ADGRL2: variants seen among roughly 807,000 people sequenced by gnomAD.
The protein encoded by ADGRL2 is adhesion G protein-coupled receptor L2.
ADGRL2 carries 44 observed loss-of-function variants against 157.4 expected under a neutral mutation model. The ratio of observed to expected loss-of-function variants is 0.28; its 90% CI spans 0.22 to 0.36. The LOEUF is 0.36. Ranked by LOEUF, ADGRL2 falls within the 10% of genes least tolerant of loss-of-function variation. The pLI is 1.00. For synonymous variants in ADGRL2, 585 were observed against 624.7 expected (o/e 0.94, Z 0.95); for missense variants, 1,510 against 1,768.9 (o/e 0.85, Z 2.63).
chr1:81,914,090 T>C (rs1329045322), intron 3 of ADGRL2, among the ~76,000 whole-genome samples: 1 of 151,958 alleles, frequency 6.6e-6, no homozygotes, highest in East Asian at 1.9e-4. Flanking sequence ...TACAATGCAC[T>C]CACAGTTCTG....
chr1:81,596,324 C>A, intron 3 of ADGRL2: 1 of 547,164 alleles, frequency 1.8e-6, no homozygotes, highest in South Asian at 1.4e-5. Flanking sequence ...TAGTGATTCT[C>A]AAACTCTTGG....
At chr1:81,552,238 T>C (rs963285868) in intron 2 of ADGRL2, among the ~76,000 whole-genome samples, 1 of 152,068 alleles carries the variant, frequency 6.6e-6, no homozygotes, top group Non-Finnish European at 1.5e-5. Flanking sequence ...CCAAGTTACT[T>C]TTTTATTAGG....
intron 3 of ADGRL2, among the ~76,000 whole-genome samples, chr1:81,682,896 C>A (rs528385691): frequency 6.6e-6 from 1 of 152,264 alleles, no homozygotes; most frequent in African/African-American, 2.4e-5. Flanking sequence ...CTTTGGGAGG[C>A]CGAGGCGGGT....
intron 3 of ADGRL2, among the ~76,000 whole-genome samples, chr1:81,932,114 A>G (rs1017840676): frequency 6.6e-6 from 1 of 152,196 alleles, no homozygotes; most frequent in Non-Finnish European, 1.5e-5. Context: ...AGTGATTACA[A>G]TGGGTCATAT....
chr1:81,348,443 A>G (rs1662638766), intron 1 of ADGRL2, among the ~76,000 whole-genome samples: 1 of 152,098 alleles, frequency 6.6e-6, no homozygotes, highest in Non-Finnish European at 1.5e-5. Flanking sequence ...AAAAAGGTAC[A>G]ATTTGTATTT....
intron 3 of ADGRL2, among the ~76,000 whole-genome samples, chr1:81,593,799 T>C (rs2081178854): frequency 6.6e-6 from 1 of 152,156 alleles, no homozygotes; most frequent in South Asian, 2.1e-4. Context: ...GCAAAAACCA[T>C]TAAAAAAGAG....
At chr1:81,387,053 T>G (rs2101088654) in intron 1 of ADGRL2, among the ~76,000 whole-genome samples, 1 of 152,296 alleles carries the variant, frequency 6.6e-6, no homozygotes, top group Non-Finnish European at 1.5e-5. Flanking sequence ...GTTCTGACTT[T>G]TATGAGAGTT....
At chr1:81,738,739 G>T (rs2084981092) in intron 1 of ADGRL2, among the ~76,000 whole-genome samples, 1 of 152,188 alleles carries the variant, frequency 6.6e-6, no homozygotes. Flanking sequence ...TCCAGATGCA[G>T]TCTGGCATTC....
intron 3 of ADGRL2, among the ~76,000 whole-genome samples, chr1:81,649,576 A>C (rs2082373570): frequency 6.6e-6 from 1 of 151,972 alleles, no homozygotes; most frequent in Non-Finnish European, 1.5e-5. Flanking sequence ...CTTTTACTCC[A>C]CCTCAACTGG....
At chr1:81,624,050 G>C (rs891513735) in intron 3 of ADGRL2, among the ~76,000 whole-genome samples, 2 of 152,120 alleles carry the variant, frequency 1.3e-5, no homozygotes, top group African/African-American at 4.8e-5. Flanking sequence ...GCAGCAGTAA[G>C]CCCAGGAGTA....
chr1:81,442,841 T>A (rs1420128294), intron 1 of ADGRL2, among the ~76,000 whole-genome samples: 2 of 152,222 alleles, frequency 1.3e-5, no homozygotes, highest in Non-Finnish European at 2.9e-5. Flanking sequence ...TTTCACAGCC[T>A]CACTCACAAA....
chr1:81,731,942 G>C (rs1409412635), intron 1 of ADGRL2, among the ~76,000 whole-genome samples: 1 of 152,172 alleles, frequency 6.6e-6, no homozygotes, highest in Non-Finnish European at 1.5e-5. Flanking sequence ...CAAGGCACTT[G>C]ACCCATTATG....
chr1:81,548,230 T>C (rs1185554066), intron 2 of ADGRL2, among the ~76,000 whole-genome samples: 2 of 152,254 alleles, frequency 1.3e-5, no homozygotes, highest in East Asian at 1.9e-4. Context: ...TCTTCCTTTC[T>C]TTTTTTACTC....
At chr1:81,342,455 A>C (rs1156849445) in intron 1 of ADGRL2, among the ~76,000 whole-genome samples, 1 of 152,136 alleles carries the variant, frequency 6.6e-6, no homozygotes, top group African/African-American at 2.4e-5. Context: ...TGTGCCACTA[A>C]ATGATATCAA....
chr1:81,831,100 T>C (rs1008148328), intron 1 of ADGRL2, among the ~76,000 whole-genome samples: 1 of 152,196 alleles, frequency 6.6e-6, no homozygotes, highest in Non-Finnish European at 1.5e-5. Context: ...ACCCGAATGA[T>C]GATTAGTCCA....
chr1:81,599,251 A>G (rs2081292402), intron 3 of ADGRL2, among the ~76,000 whole-genome samples: 1 of 152,180 alleles, frequency 6.6e-6, no homozygotes, highest in African/African-American at 2.4e-5. Context: ...ACACAGGAAA[A>G]TCATTTTTCT....
intron 1 of ADGRL2, among the ~76,000 whole-genome samples, chr1:81,325,765 A>G (rs1660853215): frequency 1.4e-5 from 2 of 145,600 alleles, no homozygotes; most frequent in Non-Finnish European, 3.1e-5. Flanking sequence ...GCACTCCCAG[A>G]CAATCAATAC....
Position 81,958,688 on chromosome 1 carries a change from T to G in ADGRL2, c.2017+2628T>G, listed in dbSNP as rs139213827. Among the ~76,000 whole-genome samples the G allele has an allele frequency of 1.9e-4, 29 of 152,278 alleles. No homozygotes were observed. In the East Asian group the frequency reaches 5.6e-3, roughly 30 times the overall value. The stretch of plus-strand genomic sequence containing the variant: ...GAGCACCTGTTTTAAGTGTATAGTT[T>G]GATGGAGTATGGCAGTTGTACACTC... On this transcript the variant is annotated intron_variant, in intron 11 of 23. Transcript: ENST00000686636.
chr1:81,639,845 T>G (rs559904853), intron 3 of ADGRL2, among the ~76,000 whole-genome samples: 1 of 152,292 alleles, frequency 6.6e-6, no homozygotes, highest in Non-Finnish European at 1.5e-5. Context: ...TTATACTCAC[T>G]TTAATTTAAC....
Sources: allele counts gnomAD v4.1 joint callset (sites outside exome capture counted in the v4.1 genomes callset), GRCh38; gene constraint gnomAD v4.1.1; transcripts MANE v1.5; gene names NCBI Gene and HGNC (gene_info 2026-07-23, HGNC 2026-07-21).